Variants in GABRB3 observed in about 807,000 individuals in gnomAD.
The protein encoded by GABRB3 is gamma-aminobutyric acid type A receptor subunit beta3.
In GABRB3, 14 loss-of-function variants were observed where a neutral mutation model predicts 52.1. That is an observed-to-expected ratio of 0.27 (90% CI 0.18 to 0.42). The LOEUF is 0.42. GABRB3 is among the 10% of genes least tolerant of loss of function. The pLI, the probability that GABRB3 is intolerant of heterozygous loss-of-function variation, is 1.00. For synonymous variants in GABRB3, 260 were observed against 232.3 expected, an observed-to-expected ratio of 1.12 and a Z score of -1.08; for missense variants, 307 against 609.1, an observed-to-expected ratio of 0.50 and a Z score of 5.22.
Position 26,772,666 on chromosome 15 carries a change from G to A in GABRB3, c.172+15C>T. 1 of 1,558,446 alleles carries A rather than the reference G, an allele frequency of 6.4e-7. No individual in the cohort carries two copies. Among genetic ancestry groups the A allele is most frequent in the Non-Finnish European group, 8.7e-7 (1 of 1,152,618 alleles). On this transcript the variant is annotated intron_variant, in intron 2 of 8. Transcript: ENST00000311550. The stretch of plus-strand genomic sequence containing the variant: ...GGGTCGCGCTTCCCGCAACGGCCGC[G>A]CGCAGCCCACTTACCCCCGAAGTCG...
At chr15:26,578,745 A>T (rs1030309706) in intron 6 of GABRB3, among the ~76,000 whole-genome samples, 8 of 152,244 alleles carry the variant, frequency 5.3e-5, no homozygotes, top group Non-Finnish European at 1.2e-4. Context: ...CTCCACAGTG[A>T]GTGTGCTAGC....
At chr15:26,642,098 G>T (rs556124919) in intron 3 of GABRB3, among the ~76,000 whole-genome samples, 2 of 151,992 alleles carry the variant, frequency 1.3e-5, no homozygotes, top group African/African-American at 4.8e-5. Flanking sequence ...TCATCATGTT[G>T]CCCAGGCCAG....
chr15:26,597,951 C>G (rs1009536838), intron 4 of GABRB3, among the ~76,000 whole-genome samples: 4 of 152,224 alleles, frequency 2.6e-5, no homozygotes, highest in African/African-American at 7.2e-5. Context: ...CAAGTCCCTG[C>G]TCTTTGCCAC....
At chr15:26,719,280 C>T (rs1889583013) in intron 3 of GABRB3, among the ~76,000 whole-genome samples, 1 of 152,232 alleles carries the variant, frequency 6.6e-6, no homozygotes, top group Non-Finnish European at 1.5e-5. Flanking sequence ...CCCTGCTCAG[C>T]ACGGACTGTT....
chr15:26,614,156 T>G (rs1892174283), intron 4 of GABRB3: 1 of 152,142 alleles, frequency 6.6e-6, no homozygotes, highest in African/African-American at 2.4e-5. Context: ...CTCCCCATTT[T>G]GATAGGGGAG....
intron 3 of GABRB3, among the ~76,000 whole-genome samples, chr15:26,635,331 C>A (rs1346977658): frequency 6.6e-6 from 1 of 151,900 alleles, no homozygotes; most frequent in Non-Finnish European, 1.5e-5. Flanking sequence ...ATGATCCATG[C>A]CTCTGTGCTC....
intron 3 of GABRB3, among the ~76,000 whole-genome samples, chr15:26,745,641 C>T (rs972735537): frequency 6.6e-6 from 1 of 152,212 alleles, no homozygotes; most frequent in Non-Finnish European, 1.5e-5. Context: ...CCACTGGCCT[C>T]CGCCATCTAT....
intron 3 of GABRB3, among the ~76,000 whole-genome samples, chr15:26,681,712 A>G (rs918122122): frequency 1.3e-5 from 2 of 152,210 alleles, no homozygotes; most frequent in African/African-American, 4.8e-5. Flanking sequence ...CTATAATCCC[A>G]GCACTCCAGA....
At chr15:26,759,015 A>C (rs1253201278) in intron 3 of GABRB3, among the ~76,000 whole-genome samples, 2 of 152,162 alleles carry the variant, frequency 1.3e-5, no homozygotes, top group Non-Finnish European at 2.9e-5. Flanking sequence ...CACACTCCAC[A>C]TTTGGATCTA....
chr15:26,578,012 C>T (rs897492025), intron 6 of GABRB3, among the ~76,000 whole-genome samples: 9 of 152,126 alleles, frequency 5.9e-5, no homozygotes, highest in African/African-American at 2.2e-4. Flanking sequence ...GGCAGGAACC[C>T]CTGGCCTCAA....
chr15:26,772,552 A>G, intron 2 of GABRB3, 83 bp from the exon 3 acceptor site: 1 of 1,486,110 alleles, frequency 6.7e-7, no homozygotes, highest in Non-Finnish European at 9.1e-7. Flanking sequence ...CTATCCCAGG[A>G]GGGGCGCGGG....
At chr15:26,701,044 G>C (rs892465001) in intron 3 of GABRB3, among the ~76,000 whole-genome samples, 2 of 140,056 alleles carry the variant, frequency 1.4e-5, no homozygotes, top group Middle Eastern at 3.7e-3. Flanking sequence ...GACAGAGCGA[G>C]ACTCGTCTCA....
intron 3 of GABRB3, among the ~76,000 whole-genome samples, chr15:26,679,052 A>G (rs1389648099): frequency 6.6e-6 from 1 of 152,136 alleles, no homozygotes; most frequent in Non-Finnish European, 1.5e-5. Flanking sequence ...CAGAACCTGC[A>G]GAAAGACCTC....
chr15:26,606,084 C>A lies in GABRB3; in HGVS notation c.461+15230G>T, dbSNP rs147461754. ...GAGAACAGCAAGGGGGAAATCAGCCCAGCAATCCAATCACCTCCCACCAGG... is the reference window on the plus strand; with the variant it reads ...GAGAACAGCAAGGGGGAAATCAGCCAAGCAATCCAATCACCTCCCACCAGG... On this transcript the variant is annotated intron_variant, in intron 4 of 8. Transcript: ENST00000311550. Among the ~76,000 whole-genome samples the A allele has an allele frequency of 1.9e-3, 295 of 152,160 alleles. 6 individuals carry two copies. In the East Asian group the frequency reaches 0.036, roughly 19 times the overall value.
rs552257349 is a variant in GABRB3, at chr15:26,719,306, C to T, written c.240+53096G>A. Among the ~76,000 whole-genome samples, 270 of 152,354 alleles carry T rather than the reference C, an allele frequency of 1.8e-3. 2 individuals are homozygous for T. Among genetic ancestry groups the T allele is most frequent in the Non-Finnish European group, 2.1e-3 (144 of 68,040 alleles). On this transcript the variant is annotated intron_variant, in intron 3 of 8. Transcript: ENST00000311550. ...ACGGACTGTTCCAGGACTCCGCACACGCACTGACAGGTATGCCTTCCTTTC... is the reference window on the plus strand; with the variant it reads ...ACGGACTGTTCCAGGACTCCGCACATGCACTGACAGGTATGCCTTCCTTTC...
At position 26,617,349 on chromosome 15, in the gene GABRB3, G is replaced by T. The variant is rs190817005; in HGVS notation, c.461+3965C>A. Reference sequence around the variant, plus strand: ...GTGGGGTTCATCCCTGGGATGCAAGGCTGGTTCAATATATGCAAATCAATA... The same window carrying T: ...GTGGGGTTCATCCCTGGGATGCAAGTCTGGTTCAATATATGCAAATCAATA... On this transcript the variant is annotated intron_variant, in intron 4 of 8. Transcript: ENST00000311550. Among the ~76,000 whole-genome samples the T allele has an allele frequency of 4.8e-3, 737 of 152,256 alleles. 7 individuals are homozygous for T. Among genetic ancestry groups the T allele is most frequent in the African/African-American group, 0.017 (712 of 41,544 alleles).
intron 8 of GABRB3, among the ~76,000 whole-genome samples, chr15:26,550,810 T>C (rs1419607849): frequency 1.3e-5 from 2 of 152,206 alleles, no homozygotes; most frequent in African/African-American, 4.8e-5. Flanking sequence ...TACCTGCACG[T>C]GTGGCCTAAC....
Position 26,772,880 on chromosome 15 carries a change from T to C in GABRB3, c.80+3A>G, listed in dbSNP as rs1348074711. 6.8e-7 allele frequency: 1 copy of C among 1,472,342 alleles called. No homozygotes were observed. 91.2% of individuals were successfully genotyped at this position (1,472,342 alleles called of 1,614,324 possible). A position where few individuals can be genotyped will look rare whatever the true frequency, so the allele number is the denominator to read the frequency against. On this transcript the variant is annotated splice_donor_region_variant and intron_variant, in intron 1 of 8. Coordinates refer to ENST00000311550, the MANE Select transcript of GABRB3 (RefSeq NM_000814.6). ...CCGCCCGCCGGCCCACCCGCGACCC[T>C]ACCTCTGGGCGCAGCACACCACAGC...
At chr15:26,761,928 G>A (rs1435955019) in intron 3 of GABRB3, among the ~76,000 whole-genome samples, 19 of 152,064 alleles carry the variant, frequency 1.2e-4, no homozygotes, top group African/African-American at 2.7e-4. Context: ...TCTGCCTCCC[G>A]GGTTCAAGAT....
Sources: allele counts gnomAD v4.1 joint callset (sites outside exome capture counted in the v4.1 genomes callset), GRCh38; gene constraint gnomAD v4.1.1; transcripts MANE v1.5; gene names NCBI Gene and HGNC (gene_info 2026-07-23, HGNC 2026-07-21).